JAKMIP3: variants seen among roughly 807,000 people sequenced by gnomAD.
JAKMIP3 encodes the protein janus kinase and microtubule-interacting protein 3.
Under a neutral mutation model 118.5 loss-of-function variants are expected in JAKMIP3, and 58 were observed. The observed-to-expected ratio is 0.49, with a 90% CI of 0.40 to 0.61. The LOEUF is 0.61. JAKMIP3 is among the 20% of genes least tolerant of loss of function. JAKMIP3 has a pLI of 0.00. For missense variants in JAKMIP3, 950 were observed against 1,109.0 expected, an observed-to-expected ratio of 0.86 and a Z score of 2.04; for synonymous variants, 486 against 451.2, an observed-to-expected ratio of 1.08 and a Z score of -0.98.
intron 1 of JAKMIP3, among the ~76,000 whole-genome samples, chr10:132,081,830 G>T (rs191010386): frequency 6.6e-6 from 1 of 152,020 alleles, no homozygotes; most frequent in East Asian, 1.9e-4. Context: ...ACCACACGTC[G>T]CTTCCCTACA....
intron 1 of JAKMIP3, among the ~76,000 whole-genome samples, chr10:132,096,314 G>T (rs532536995): frequency 3.9e-5 from 6 of 152,280 alleles, no homozygotes; most frequent in Admixed American, 6.5e-5. Flanking sequence ...TATCTCAAAA[G>T]GGACTTCTAG....
rs533878396 is a variant in JAKMIP3 at position 132,044,693 on chromosome 10, C to A, written c.-138+7955C>A. 6.6e-6 allele frequency among the ~76,000 whole-genome samples: 1 copy of A among 152,224 alleles called. No homozygotes were observed. Among genetic ancestry groups the A allele is most frequent in the Non-Finnish European group, 1.5e-5 (1 of 68,022 alleles). ...TTTAAATTGTGGCGAAATACACATA[C>A]AAGTCACCATCTGAACCATTTTTAG... On this transcript the variant is annotated intron_variant, in intron 1 of 23. Coordinates refer to the JAKMIP3 transcript ENST00000657785. This position sits in a 1 kb window ranked among gnomAD's most constrained non-coding sequence, Gnocchi z 5.3.
intron 1 of JAKMIP3, among the ~76,000 whole-genome samples, chr10:132,056,586 G>C (rs933965923): frequency 6.6e-6 from 1 of 152,170 alleles, no homozygotes; most frequent in Non-Finnish European, 1.5e-5. Context: ...CTGCCACCAC[G>C]AGGGCCATCG....
Position 132,113,031 on chromosome 10 carries a change from C to CA in JAKMIP3, c.136-4045dup, listed in dbSNP as rs139145282. Reference sequence around the variant, plus strand: ...GTGACTTACTGAAATATACAAGAAACACACCTACCTAGTGACCAGGATGCT... The same window carrying CA: ...GTGACTTACTGAAATATACAAGAAACAACACCTACCTAGTGACCAGGATGCT... On this transcript the variant is annotated intron_variant, in intron 2 of 23. Transcript: ENST00000684848. Among the ~76,000 whole-genome samples, 1,021 of 152,262 alleles carry CA rather than the reference C, an allele frequency of 6.7e-3. 10 individuals are homozygous for CA. The highest frequency in any genetic ancestry group is 0.023 in the African/African-American group (966 of 41,538).
At chr10:132,181,891 C>T (rs1263850347) in intron 23 of JAKMIP3, among the ~76,000 whole-genome samples, 1 of 152,224 alleles carries the variant, frequency 6.6e-6, no homozygotes, top group East Asian at 1.9e-4. Context: ...CCCGATGCTG[C>T]CATGCCCCAG....
chr10:132,165,333 G>C (rs1030803228), intron 21 of JAKMIP3, among the ~76,000 whole-genome samples: 4 of 152,174 alleles, frequency 2.6e-5, no homozygotes, highest in Admixed American at 1.3e-4. Context: ...GTCTCTCCCG[G>C]GGTTGCCTGC....
rs116423112 is a variant in JAKMIP3, at chr10:132,183,357, C to T, written c.*2104C>T. ...CAACAGCTGCATGGGCCAGCTGTTT[C>T]GGATCTAAAGATGTGCAGTGAAACT... On this transcript the variant is annotated 3_prime_UTR_variant, in exon 24 of 24. Coordinates refer to ENST00000684848, the MANE Select transcript of JAKMIP3 (RefSeq NM_001323087.2). 399 of 152,330 alleles carry T rather than the reference C, an allele frequency of 2.6e-3. 3 individuals carry two copies. The highest frequency in any genetic ancestry group is 8.6e-3 in the African/African-American group (358 of 41,576). The allele number at this position is 152,330 out of a possible 1,614,324, so 9.4% of individuals were successfully genotyped here.
At chr10:132,134,945 A>G in intron 4 of JAKMIP3, 96 bp from the exon 5 acceptor site, 1 of 1,466,450 alleles carries the variant, frequency 6.8e-7, no homozygotes, top group Non-Finnish European at 9.4e-7. Context: ...CGCGCGTCCC[A>G]CGGCAGCGTT....
chr10:132,177,500 A>ACTTGCT (rs2060252910), intron 23 of JAKMIP3, among the ~76,000 whole-genome samples: 1 of 78,336 alleles, frequency 1.3e-5, no homozygotes, highest in Non-Finnish European at 3.2e-5. Flanking sequence ...GTGTGTATAC[A>ACTTGCT]CCTGCTCCTG....
At chr10:132,171,718 C>T (rs1238246087) in intron 23 of JAKMIP3, among the ~76,000 whole-genome samples, 1 of 146,246 alleles carries the variant, frequency 6.8e-6, no homozygotes, top group Non-Finnish European at 1.5e-5. Context: ...GTGGCGCGAT[C>T]TCGGCTCACT....
Position 132,179,282 on chromosome 10 carries a change from G to A in JAKMIP3, c.*1104-3075G>A, listed in dbSNP as rs77497257. 0.11 allele frequency among the ~76,000 whole-genome samples: 17,035 copies of A among 152,212 alleles called. 1,273 individuals are homozygous for A. Among genetic ancestry groups the A allele is most frequent in the Non-Finnish European group, 0.15 (10,430 of 68,006 alleles). On this transcript the variant is annotated intron_variant, in intron 23 of 23. Transcript: ENST00000684848. The surrounding 1 kb of genome is among the most constrained non-coding windows in gnomAD (Gnocchi z 4.3). ...CTCCCCCAGCATCATGCACGGTCACGGGGCTGTATTTGTTGACGGGACTTT... is the reference window on the plus strand; with the variant it reads ...CTCCCCCAGCATCATGCACGGTCACAGGGCTGTATTTGTTGACGGGACTTT...
intron 2 of JAKMIP3, among the ~76,000 whole-genome samples, chr10:132,106,317 G>A (rs1405992414): frequency 6.6e-6 from 1 of 151,740 alleles, no homozygotes; most frequent in Non-Finnish European, 1.5e-5. Flanking sequence ...TAGCCTGCAT[G>A]ACAGAGCGAG....
intron 2 of JAKMIP3, among the ~76,000 whole-genome samples, chr10:132,110,797 G>A (rs1174302442): frequency 1.3e-5 from 2 of 152,258 alleles, no homozygotes; most frequent in African/African-American, 2.4e-5. Context: ...AAGAAGGGGA[G>A]GGGCTCACAG....
intron 2 of JAKMIP3, among the ~76,000 whole-genome samples, chr10:132,108,614 C>T (rs554759776): frequency 6.6e-6 from 1 of 152,046 alleles, no homozygotes; most frequent in Admixed American, 6.6e-5. Flanking sequence ...TGCCCCACCC[C>T]TCCCCTGCCT....
chr10:132,055,601 G>A (rs894663246), intron 1 of JAKMIP3, among the ~76,000 whole-genome samples: 2 of 152,196 alleles, frequency 1.3e-5, no homozygotes, highest in African/African-American at 2.4e-5. Flanking sequence ...TTTGCCCGCC[G>A]GCAAGCAGGG....
At chr10:132,140,308 T>A in intron 9 of JAKMIP3, 143 bp from the exon 10 acceptor site, 8 of 1,027,154 alleles carry the variant, frequency 7.8e-6, no homozygotes, top group Non-Finnish European at 8.1e-6. Context: ...GGCCACCTCC[T>A]CGGCCTGTGC....
Position 132,099,820 on chromosome 10 carries a change from T to C in JAKMIP3, c.-137-4852T>C, listed in dbSNP as rs1483868850. Reference sequence around the variant, plus strand: ...CAGGTGCGTGTCACGGACGGCACGTTCCTCGGCACCCCAAACCCCTCGCAC... The same window carrying C: ...CAGGTGCGTGTCACGGACGGCACGTCCCTCGGCACCCCAAACCCCTCGCAC... On this transcript the variant is annotated intron_variant, in intron 1 of 23. Transcript: ENST00000684848. 2.0e-5 allele frequency among the ~76,000 whole-genome samples: 3 copies of C among 152,178 alleles called. No homozygotes were observed. In the East Asian group the frequency reaches 5.8e-4, roughly 29 times the overall value.
chr10:132,182,271 C>T (rs2061567703), intron 23 of JAKMIP3, 86 bp from the exon 24 acceptor site: 1 of 152,314 alleles, frequency 6.6e-6, no homozygotes, highest in African/African-American at 2.4e-5. Context: ...GTCAAGGCCC[C>T]AACTGCCTTG....
Position 132,133,353 on chromosome 10 carries a change from GGA to G in JAKMIP3, c.683_684del (p.Glu228ValfsTer20), listed in dbSNP as rs751410031. ...KFKDRAVFVL[E>X]RELGVQAGHA... ...TTAAAGACAGAGCAGTCTTCGTGCT[GGA>G]GAGAGAGTTAGGGGTTCAAGCCGGG... is the stretch of plus-strand genomic sequence containing the variant. On this transcript the variant is annotated frameshift_variant, in exon 4 of 24. Transcript: ENST00000684848. 1.9e-6 allele frequency: 3 copies of G among 1,601,490 alleles called. No individual in the cohort carries two copies. Among genetic ancestry groups the G allele is most frequent in the Non-Finnish European group, 2.6e-6 (3 of 1,173,962 alleles).
Sources: gnomAD v4.1 joint callset for allele counts (sites outside exome capture counted in the v4.1 genomes callset) on GRCh38, gnomAD v4.1.1 for gene constraint, Gnocchi (gnomAD v3.1) non-coding constraint, MANE v1.5 for transcripts, NCBI Gene and HGNC (gene_info 2026-07-23, HGNC 2026-07-21) for gene names.